The following FMN1 variants were observed in gnomAD, a reference collection of about 807,000 sequenced individuals.
The protein encoded by FMN1 is formin-1.
FMN1 carries 110 observed loss-of-function variants against 132.4 expected under a neutral mutation model. That is an observed-to-expected ratio of 0.83 (90% CI 0.71 to 0.97). FMN1 has a LOEUF of 0.97. Among genes scored for constraint, FMN1 ranks in the 50% least tolerant of loss-of-function variants. The probability of loss-of-function intolerance (pLI) is 0.00; values close to 1 mark genes in which losing one functional copy is unlikely to be tolerated. For synonymous variants in FMN1, 722 were observed against 651.7 expected (o/e 1.11, Z -1.64); for missense variants, 1,792 against 1,705.3 (o/e 1.05, Z -0.90).
rs531210577 is a variant in FMN1, at chr15:32,846,121, G to A, written c.3928+10894C>T. On this transcript the variant is annotated intron_variant, in intron 17 of 20. Transcript: ENST00000616417. ...AACACAACATTTTATTGTGCCTATC[G>A]TTAATAAGACTGTATTGCACACTTA... is the stretch of plus-strand genomic sequence containing the variant. Among the ~76,000 whole-genome samples, 26 of 152,236 alleles carry A rather than the reference G, an allele frequency of 1.7e-4. No individual in the cohort carries two copies. The South Asian group carries it at 4.1e-3, about 24-fold the overall frequency.
intron 7 of FMN1, among the ~76,000 whole-genome samples, chr15:32,987,804 A>G (rs1305480641): frequency 6.6e-6 from 1 of 152,178 alleles, no homozygotes; most frequent in Admixed American, 6.6e-5. Flanking sequence ...CCTATGAAGA[A>G]ACACTTAACA....
chr15:32,946,522 C>T, intron 9 of FMN1, among the ~76,000 whole-genome samples: 1 of 152,260 alleles, frequency 6.6e-6, no homozygotes, highest in East Asian at 1.9e-4. Flanking sequence ...CATATTGCAA[C>T]AAGGGAATAG....
At chr15:32,885,147 A>G (rs887207503) in intron 16 of FMN1, among the ~76,000 whole-genome samples, 9 of 152,190 alleles carry the variant, frequency 5.9e-5, no homozygotes, top group Admixed American at 2.0e-4. Flanking sequence ...TCTTAGTCCT[A>G]TGTAATGTGC....
chr15:33,171,748 C>T (rs994202514), intron 3 of FMN1, among the ~76,000 whole-genome samples: 2 of 152,076 alleles, frequency 1.3e-5, no homozygotes, highest in African/African-American at 4.8e-5. Context: ...ACTGCAGCTA[C>T]AGTTAGTTCT....
At chr15:33,094,471 T>G (rs2039008345) in intron 4 of FMN1, among the ~76,000 whole-genome samples, 1 of 152,206 alleles carries the variant, frequency 6.6e-6, no homozygotes, top group Non-Finnish European at 1.5e-5. Flanking sequence ...AAGAATTCAG[T>G]TGCACTGCAG....
chr15:33,147,481 T>G (rs1322437647), intron 4 of FMN1, among the ~76,000 whole-genome samples: 1 of 152,242 alleles, frequency 6.6e-6, no homozygotes, highest in Non-Finnish European at 1.5e-5. Context: ...AGGCTGTGCA[T>G]ATAGCCAAAG....
Position 32,898,879 on chromosome 15 carries a change from A to G in FMN1, c.3669T>C (p.Asn1223=). 1.3e-6 allele frequency: 2 copies of G among 1,593,356 alleles called. No homozygotes were observed. Among genetic ancestry groups the G allele is most frequent in the Non-Finnish European group, 1.7e-6 (2 of 1,162,998 alleles). Residue 1223 remains asparagine, a synonymous_variant, in exon 15 of 21, where the codon AAT becomes AAC. Coordinates refer to ENST00000616417, the MANE Select transcript of FMN1 (RefSeq NM_001277313.2). Reference sequence around the variant, plus strand: ...AATACTTAACAACGTAGTCCACCAGATTAATCCCATTATCCTAGGTTTAAA... The same window carrying G: ...AATACTTAACAACGTAGTCCACCAGGTTAATCCCATTATCCTAGGTTTAAA... ...KDVKSRDNGI[N]LVDYVVKYYL... is the part of the protein sequence containing the mutation.
rs537511517 is a variant in FMN1 at position 32,771,978 on chromosome 15, G to T, written c.*2332C>A. The T allele has an allele frequency of 2.5e-4, 38 of 152,262 alleles. 1 individual carries two copies. The highest frequency in any genetic ancestry group is 8.7e-4 in the African/African-American group (36 of 41,542). The allele number at this position is 152,262 out of a possible 1,614,324, so 9.4% of individuals were successfully genotyped here. A position where few individuals can be genotyped will look rare whatever the true frequency, so the allele number is the denominator to read the frequency against. On this transcript the variant is annotated 3_prime_UTR_variant, in exon 21 of 21. Coordinates refer to ENST00000616417, the MANE Select transcript of FMN1 (RefSeq NM_001277313.2). ...GTTCAGAATAGGTGAGAATAATGAAGATTCTGCCATGGTGTCTTACAACAC... is the reference window on the plus strand; with the variant it reads ...GTTCAGAATAGGTGAGAATAATGAATATTCTGCCATGGTGTCTTACAACAC...
At chr15:32,929,702 G>C (rs558175144) in intron 9 of FMN1, among the ~76,000 whole-genome samples, 8 of 151,460 alleles carry the variant, frequency 5.3e-5, no homozygotes, top group Non-Finnish European at 1.2e-4. Context: ...TTTGTGACTA[G>C]ATTATTTTCA....
chr15:33,165,898 C>G (rs887383360), intron 3 of FMN1, among the ~76,000 whole-genome samples: 13 of 152,214 alleles, frequency 8.5e-5, no homozygotes. Context: ...ATAGCCACAT[C>G]TGTTGACAGA....
intron 5 of FMN1, among the ~76,000 whole-genome samples, chr15:33,069,555 G>A (rs929031732): frequency 6.6e-6 from 1 of 152,186 alleles, no homozygotes; most frequent in Admixed American, 6.5e-5. Context: ...GTGGGTGGCT[G>A]CATGTCACAC....
At chr15:32,934,668 G>A (rs1170559776) in intron 9 of FMN1, among the ~76,000 whole-genome samples, 4 of 148,012 alleles carry the variant, frequency 2.7e-5, no homozygotes, top group Admixed American at 6.8e-5. Flanking sequence ...GTGCAATGGC[G>A]CAATCTTGGC....
chr15:32,980,941 G>T (rs956277706), intron 7 of FMN1, among the ~76,000 whole-genome samples: 10 of 152,176 alleles, frequency 6.6e-5, no homozygotes, highest in African/African-American at 2.4e-4. Flanking sequence ...TTGAACCCGG[G>T]AAGCGGAGGT....
At chr15:32,998,120 A>C (rs1367414237) in intron 7 of FMN1, among the ~76,000 whole-genome samples, 1 of 152,224 alleles carries the variant, frequency 6.6e-6, no homozygotes, top group Non-Finnish European at 1.5e-5. Flanking sequence ...GCTTTATTTG[A>C]AAATTATTCA....
At chr15:33,038,364 A>G (rs940689073) in intron 6 of FMN1, among the ~76,000 whole-genome samples, 11 of 152,266 alleles carry the variant, frequency 7.2e-5, no homozygotes, top group African/African-American at 2.7e-4. Flanking sequence ...TGGAGTTAAC[A>G]TTCAGAAGTT....
At chr15:32,957,872 G>A (rs2029997324) in intron 9 of FMN1, among the ~76,000 whole-genome samples, 1 of 152,106 alleles carries the variant, frequency 6.6e-6, no homozygotes, top group South Asian at 2.1e-4. Flanking sequence ...AGTAGCAAGT[G>A]GTGGTGGTTC....
At chr15:32,883,057 C>T (rs749997924) in intron 16 of FMN1, among the ~76,000 whole-genome samples, 1 of 152,194 alleles carries the variant, frequency 6.6e-6, no homozygotes, top group African/African-American at 2.4e-5. Context: ...TTTCCCCTCC[C>T]ACAGTAACAC....
At chr15:32,881,139 T>C (rs1042378316) in intron 16 of FMN1, among the ~76,000 whole-genome samples, 3 of 152,198 alleles carry the variant, frequency 2.0e-5, no homozygotes, top group Admixed American at 6.5e-5. Context: ...TATACTATTA[T>C]TAAAACATTA....
chr15:33,001,742 C>G (rs1189218356), intron 7 of FMN1, among the ~76,000 whole-genome samples: 1 of 125,292 alleles, frequency 8.0e-6, no homozygotes, highest in Non-Finnish European at 1.6e-5. Context: ...TTTTTTGATA[C>G]AAAGTCTCAC....
Sources: allele counts gnomAD v4.1 joint callset (sites outside exome capture counted in the v4.1 genomes callset), GRCh38; gene constraint gnomAD v4.1.1; transcripts MANE v1.5; gene names NCBI Gene and HGNC (gene_info 2026-07-23, HGNC 2026-07-21).